The following NIPBL variants were observed in gnomAD, a reference collection of about 807,000 sequenced individuals.
NIPBL encodes NIPBL cohesin loading factor.
In NIPBL, 19 loss-of-function variants were observed where a neutral mutation model predicts 321.8. The ratio of observed to expected loss-of-function variants is 0.06; its 90% CI spans 0.04 to 0.09. NIPBL has a LOEUF of 0.09. NIPBL is among the 10% of genes least tolerant of loss of function. The pLI, the probability that NIPBL is intolerant of heterozygous loss-of-function variation, is 1.00. For missense variants in NIPBL, 2,210 were observed against 3,327.0 expected, an observed-to-expected ratio of 0.66 and a Z score of 8.26; for synonymous variants, 1,106 against 1,114.1, an observed-to-expected ratio of 0.99 and a Z score of 0.14.
In NIPBL at chr5:36,936,583, TG is replaced by T. The variant is rs975850807; in HGVS notation, c.-79-17034del. The stretch of plus-strand genomic sequence containing the variant: ...CTCAGAACGTTTGTCCCTGTCATTA[TG>T]TGACCCATAACTGTGTGTAGCTCAG... On this transcript the variant is annotated intron_variant, in intron 1 of 46. Coordinates refer to ENST00000282516, the MANE Select transcript of NIPBL (RefSeq NM_133433.4). Among the ~76,000 whole-genome samples, 6 of 152,294 alleles carry T rather than the reference TG, an allele frequency of 3.9e-5. No homozygotes were observed. In the East Asian group the frequency reaches 1.2e-3, roughly 29 times the overall value.
At chr5:36,908,680 T>C (rs1747825916) in intron 1 of NIPBL, among the ~76,000 whole-genome samples, 1 of 152,226 alleles carries the variant, frequency 6.6e-6, no homozygotes, top group Non-Finnish European at 1.5e-5. Flanking sequence ...GTTTCTTCTC[T>C]TCAGTGTCCA....
intron 1 of NIPBL, among the ~76,000 whole-genome samples, chr5:36,902,592 A>G (rs1482188368): frequency 5.3e-5 from 8 of 151,860 alleles, no homozygotes; most frequent in Non-Finnish European, 7.4e-5. Context: ...CACCTGTTCC[A>G]TTTGTCTGTG....
chr5:37,030,907 AC>A (rs1337369863), intron 32 of NIPBL, among the ~76,000 whole-genome samples: 1 of 133,060 alleles, frequency 7.5e-6, no homozygotes, highest in Non-Finnish European at 1.6e-5. Flanking sequence ...GGCATGCACC[AC>A]CATGTTTAGC....
chr5:36,934,020 A>T (rs966885607), intron 1 of NIPBL, among the ~76,000 whole-genome samples: 4 of 152,122 alleles, frequency 2.6e-5, no homozygotes, highest in African/African-American at 9.7e-5. Context: ...TAAGTTTAAC[A>T]TGTAAAGATC....
intron 1 of NIPBL, among the ~76,000 whole-genome samples, chr5:36,904,452 A>G (rs1369066468): frequency 1.3e-5 from 2 of 152,186 alleles, no homozygotes; most frequent in Admixed American, 6.6e-5. Context: ...CTGTGTGACA[A>G]GAGCAAGATT....
At position 37,014,728 on chromosome 5, in the gene NIPBL, C is replaced by T. The variant is rs121918269; in HGVS notation, c.4606C>T (p.Arg1536Ter). The T allele has an allele frequency of 6.2e-7, 1 of 1,609,400 alleles. No homozygotes were observed. Among genetic ancestry groups the T allele is most frequent in the Non-Finnish European group, 8.5e-7 (1 of 1,176,052 alleles). Residue 1536 changes from arginine to a stop codon, truncating the protein, a stop_gained, in exon 22 of 47, where the codon CGA becomes TGA. Transcript: ENST00000282516. LOFTEE classifies it high-confidence loss of function. ...TACTAACTCTTATGAAACAGCTATG[C>T]GAACAGCCCAAAACTTCCTCTCCAT... ...VITNSYETAM[R>*]TAQNFLSIFL...
At chr5:36,917,210 T>C (rs1323027716) in intron 1 of NIPBL, among the ~76,000 whole-genome samples, 1 of 152,088 alleles carries the variant, frequency 6.6e-6, no homozygotes, top group Non-Finnish European at 1.5e-5. Context: ...GGTATCTCAT[T>C]GTGGTTTTGA....
rs1326801298 is a variant in NIPBL, at chr5:36,970,902, G to A, written c.637G>A (p.Gly213Ser). The A allele has an allele frequency of 1.2e-6, 2 of 1,613,726 alleles. No homozygotes were observed. Among genetic ancestry groups the A allele is most frequent in the African/African-American group, 2.7e-5 (2 of 74,956 alleles). Residue 213 changes from glycine (G) to serine (S), a missense_variant, in exon 7 of 47, where the codon GGT (glycine) becomes AGT (serine). Gly to Ser is a moderately conservative substitution (Grantham distance 56). Coordinates refer to ENST00000282516, the MANE Select transcript of NIPBL (RefSeq NM_133433.4). ...QASVSSPIVA[G>S]GLRNIHDNKV... is the part of the protein sequence containing the mutation. ...ATCGGTATCAAGTCCCATTGTTGCA[G>A]GTGGTTTGAGAAACATACATGATAA...
At chr5:37,044,251 G>T in intron 34 of NIPBL, 96 bp from the exon 35 acceptor site, 1 of 1,119,992 alleles carries the variant, frequency 8.9e-7, no homozygotes. Flanking sequence ...ACCTTTACGT[G>T]CAAAATGCCC....
chr5:36,946,952 G>C (rs1055296706), intron 1 of NIPBL, among the ~76,000 whole-genome samples: 2 of 152,040 alleles, frequency 1.3e-5, no homozygotes, highest in African/African-American at 4.8e-5. Flanking sequence ...GATTTGATTA[G>C]AAACACCTGA....
intron 30 of NIPBL, 102 bp from the exon 31 acceptor site, chr5:37,026,127 A>G: frequency 1.5e-6 from 1 of 682,920 alleles, no homozygotes; most frequent in Non-Finnish European, 2.7e-6. Flanking sequence ...TTGTGTTTTG[A>G]TTAGTTATTT....
At chr5:37,048,785 G>T (rs570327793) in intron 39 of NIPBL, 110 bp downstream of exon 39, 1 of 923,020 alleles carries the variant, frequency 1.1e-6, no homozygotes, top group South Asian at 1.5e-5. Flanking sequence ...AAGAAATTCA[G>T]TTAAATAGCA....
rs760469669 is a variant in NIPBL at position 37,010,068 on chromosome 5, T to C, written c.4422-19T>C. ...AGATTATCTTGATACTCCATACAAA[T>C]TTTTTTTCTTCATTAAAGGTTAAAC... On this transcript the variant is annotated intron_variant, in intron 20 of 46. Coordinates refer to ENST00000282516, the MANE Select transcript of NIPBL (RefSeq NM_133433.4). 4.4e-6 allele frequency: 7 copies of C among 1,573,424 alleles called. No homozygotes were observed. Among genetic ancestry groups the C allele is most frequent in the South Asian group, 1.1e-5 (1 of 90,168 alleles).
At chr5:37,049,875 A>G (rs1448344144) in intron 40 of NIPBL, among the ~76,000 whole-genome samples, 1 of 152,208 alleles carries the variant, frequency 6.6e-6, no homozygotes, top group Non-Finnish European at 1.5e-5. Context: ...AGGCTACAAA[A>G]GTGTATGTAT....
chr5:37,037,409 G>GTATA (rs759202070), intron 33 of NIPBL, among the ~76,000 whole-genome samples: 42 of 140,230 alleles, frequency 3.0e-4, no homozygotes, highest in South Asian at 1.3e-3. Context: ...ATATATATAT[G>GTATA]TATATATATA....
chr5:36,902,804 A>T (rs1747333605), intron 1 of NIPBL, among the ~76,000 whole-genome samples: 1 of 152,012 alleles, frequency 6.6e-6, no homozygotes, highest in Non-Finnish European at 1.5e-5. Context: ...TTCTGTGAAA[A>T]CTGTCACTGG....
At chr5:36,884,660 C>T (rs1745754553) in intron 1 of NIPBL, among the ~76,000 whole-genome samples, 1 of 152,192 alleles carries the variant, frequency 6.6e-6, no homozygotes, top group Non-Finnish European at 1.5e-5. Context: ...CATCACAGTG[C>T]TGCTCCTGTT....
chr5:37,038,498 T>C (rs1292251428), intron 33 of NIPBL, 104 bp from the exon 34 acceptor site: 1 of 967,822 alleles, frequency 1.0e-6, no homozygotes, highest in African/African-American at 1.6e-5. Flanking sequence ...AGGCCTATAC[T>C]GGACCTATTT....
intron 1 of NIPBL, among the ~76,000 whole-genome samples, chr5:36,946,362 A>T (rs1261615089): frequency 6.6e-6 from 1 of 151,850 alleles, no homozygotes; most frequent in Non-Finnish European, 1.5e-5. Flanking sequence ...GCCTTGTGAG[A>T]TGAGTATGCT....
Sources: gnomAD v4.1 joint callset for allele counts (sites outside exome capture counted in the v4.1 genomes callset) on GRCh38, gnomAD v4.1.1 for gene constraint, MANE v1.5 for transcripts, NCBI Gene and HGNC (gene_info 2026-07-23, HGNC 2026-07-21) for gene names.